Variants in SEC14L2 observed in about 807,000 individuals in gnomAD.
The protein encoded by SEC14L2 is SEC14-like protein 2.
In SEC14L2, 50 loss-of-function variants were observed where a neutral mutation model predicts 56.9. That is an observed-to-expected ratio of 0.88 (90% confidence interval 0.70 to 1.11). The LOEUF is 1.11. SEC14L2 is among the 50% of genes most tolerant of loss of function. The pLI, the probability that SEC14L2 is intolerant of heterozygous loss-of-function variation, is 0.00. For synonymous variants in SEC14L2, 179 were observed against 188.5 expected (o/e 0.95, Z 0.41); for missense variants, 414 against 500.7 (o/e 0.83, Z 1.65).
intron 5 of SEC14L2, 127 bp downstream of exon 5, chr22:30,407,730 T>TTA: frequency 1.2e-6 from 1 of 812,400 alleles, no homozygotes; most frequent in African/African-American, 1.8e-5. Context: ...TTTTTTTTTT[T>TTA]AATTTTTAAA....
rs1379401953 is a variant in SEC14L2 at position 30,424,764 on chromosome 22, G to T, written c.*2357G>T. The T allele has an allele frequency of 2.2e-6, 1 of 456,456 alleles. No individual in the cohort carries two copies. Among genetic ancestry groups the T allele is most frequent in the Non-Finnish European group, 4.4e-6 (1 of 226,946 alleles). The allele number at this position is 456,456 out of a possible 1,614,324, so 28.3% of individuals were successfully genotyped here. ...TCTCCAACGCCGCTCAATTATACCCGCCAAGGAGTCACAGAGACTTAGTGA... is the reference window on the plus strand; with the variant it reads ...TCTCCAACGCCGCTCAATTATACCCTCCAAGGAGTCACAGAGACTTAGTGA... On this transcript the variant is annotated 3_prime_UTR_variant, in exon 12 of 12. Transcript: ENST00000615189.
At chr22:30,407,300 G>T in intron 4 of SEC14L2, 115 bp from the exon 5 acceptor site, 6 of 1,443,566 alleles carry the variant, frequency 4.2e-6, no homozygotes, top group South Asian at 2.5e-5. Context: ...GGCATCTGTT[G>T]GTACCCAGGA....
At chr22:30,407,892 T>TA (rs1241669198) in intron 5 of SEC14L2, among the ~76,000 whole-genome samples, 1 of 152,146 alleles carries the variant, frequency 6.6e-6, no homozygotes, top group Admixed American at 6.5e-5. Context: ...TGGGATTTCC[T>TA]AGACCAGTGA....
At chr22:30,397,604 G>A in intron 1 of SEC14L2, 1 of 304,714 alleles carries the variant, frequency 3.3e-6, no homozygotes, top group South Asian at 2.7e-5. Context: ...AGCTCCTTGG[G>A]AGACTTGGAT....
chr22:30,416,241 T>C lies in SEC14L2; in HGVS notation c.919T>C (p.Phe307Leu). 6.2e-7 allele frequency: 1 copy of C among 1,613,960 alleles called. No individual in the cohort carries two copies. Among genetic ancestry groups the C allele is most frequent in the Non-Finnish European group, 8.5e-7 (1 of 1,179,904 alleles). The change falls in exon 11 of 12, where the codon TTT becomes CTT. Residue 307 changes from phenylalanine (F) to leucine (L), a missense_variant. Physicochemically the swap from Phe to Leu is conservative, Grantham distance 22. Transcript: ENST00000615189. ...TGGTGATATCCCCTGCAGGTGGCAG[T>C]TTATGTCAGATGGAGCGGATGTTGG... ...LFPGCVLRWQFMSDGADVGFG... is the reference protein window; with the variant it reads ...LFPGCVLRWQLMSDGADVGFG...
At chr22:30,420,152 C>T (rs1934479468) in intron 11 of SEC14L2, among the ~76,000 whole-genome samples, 1 of 151,986 alleles carries the variant, frequency 6.6e-6, no homozygotes, top group Non-Finnish European at 1.5e-5. Context: ...GGGGTTTCTC[C>T]GTGTTCGTTA....
At chr22:30,406,692 C>T (rs952216454) in intron 3 of SEC14L2, among the ~76,000 whole-genome samples, 1 of 152,168 alleles carries the variant, frequency 6.6e-6, no homozygotes, top group Non-Finnish European at 1.5e-5. Flanking sequence ...TTCACGCTGT[C>T]GCTTATTGCT....
chr22:30,404,313 A>T lies in SEC14L2; in HGVS notation c.131-2029A>T, dbSNP rs545833450. Among the ~76,000 whole-genome samples, 7 of 152,328 alleles carry T rather than the reference A, an allele frequency of 4.6e-5. No individual in the cohort carries two copies. In the South Asian group the frequency reaches 1.2e-3, roughly 27 times the overall value. On this transcript the variant is annotated intron_variant, in intron 2 of 11. Transcript: ENST00000615189. Reference sequence around the variant, plus strand: ...AAAAAGGGTGGGATTCAGTTCTGCCAGGACGTGTCCGGCACCTGTGATGGG... The same window carrying T: ...AAAAAGGGTGGGATTCAGTTCTGCCTGGACGTGTCCGGCACCTGTGATGGG...
intron 11 of SEC14L2, among the ~76,000 whole-genome samples, chr22:30,419,288 A>G (rs1198694932): frequency 6.6e-6 from 1 of 152,196 alleles, no homozygotes; most frequent in Non-Finnish European, 1.5e-5. Context: ...GTGGTGGCTC[A>G]TGCCTGTAAT....
Position 30,422,289 on chromosome 22 carries a change from T to A in SEC14L2, c.1094T>A (p.Phe365Tyr). Residue 365 changes from phenylalanine to tyrosine, a missense_variant, in exon 12 of 12, where the codon TTT becomes TAT. By Grantham distance (22) the Phe-to-Tyr change is conservative. Coordinates refer to ENST00000615189, the MANE Select transcript of SEC14L2 (RefSeq NM_012429.5). ...CSDPGIYVLR[F>Y]DNTYSFIHAK... The stretch of plus-strand genomic sequence containing the variant: ...TGCCTTCCCTCAGATGTCCTGCGGT[T>A]TGACAACACCTACAGCTTCATTCAT... 2 of 1,614,188 alleles carry A rather than the reference T, an allele frequency of 1.2e-6. No homozygotes were observed. Among genetic ancestry groups the A allele is most frequent in the Non-Finnish European group, 1.7e-6 (2 of 1,180,014 alleles).
rs1234012641 is a variant in SEC14L2 at position 30,425,240 on chromosome 22, G to T, written c.*2833G>T. Reference sequence around the variant, plus strand: ...GGGAGGGTTTCAGGTGTAAGACATGGAGAGTCCTTTAGCGAACATGTAGAC... The same window carrying T: ...GGGAGGGTTTCAGGTGTAAGACATGTAGAGTCCTTTAGCGAACATGTAGAC... On this transcript the variant is annotated 3_prime_UTR_variant, in exon 12 of 12. Transcript: ENST00000615189. The T allele has an allele frequency of 5.3e-6, 1 of 190,356 alleles. No homozygotes were observed. The highest frequency in any genetic ancestry group is 1.5e-4 in the East Asian group (1 of 6,776). 11.8% of individuals were successfully genotyped at this position (190,356 alleles called of 1,614,324 possible). A position where few individuals can be genotyped will look rare whatever the true frequency, so the allele number is the denominator to read the frequency against.
At position 30,399,782 on chromosome 22, in the gene SEC14L2, C is replaced by T. The variant is rs1449264505; in HGVS notation, c.130+64C>T. 5 of 1,430,474 alleles carry T rather than the reference C, an allele frequency of 3.5e-6. No homozygotes were observed. The African/African-American group carries it at 7.1e-5, about 20-fold the overall frequency. The allele number at this position is 1,430,474 out of a possible 1,614,324, so 88.6% of individuals were successfully genotyped here. ...TTGTTCTGGGCAACAGAATAGCACC[C>T]TCTGAAAACCCTGCCCTTGGCAATT... On this transcript the variant is annotated intron_variant, in intron 2 of 11. Transcript: ENST00000615189.
At chr22:30,414,415 AG>A (rs1934332960) in intron 8 of SEC14L2, among the ~76,000 whole-genome samples, 2 of 152,078 alleles carry the variant, frequency 1.3e-5, no homozygotes, top group South Asian at 4.1e-4. Context: ...TTTTCAACAG[AG>A]GGGGGAGATT....
chr22:30,416,497 G>A lies in SEC14L2; in HGVS notation c.1081+94G>A, dbSNP rs184597160. ...CCTCCATGGATTTTTGGCTCTGAGTGTTAGAACTAGAAGTGGAATGCCATC... is the reference window on the plus strand; with the variant it reads ...CCTCCATGGATTTTTGGCTCTGAGTATTAGAACTAGAAGTGGAATGCCATC... On this transcript the variant is annotated intron_variant, in intron 11 of 11. Transcript: ENST00000615189. 3 of 1,600,620 alleles carry A rather than the reference G, an allele frequency of 1.9e-6. No homozygotes were observed. The African/African-American group carries it at 4.0e-5, about 21-fold the overall frequency.
rs1810958405 is a variant in SEC14L2 at position 30,424,552 on chromosome 22, C to G, written c.*2145C>G. On this transcript the variant is annotated 3_prime_UTR_variant, in exon 12 of 12. Coordinates refer to ENST00000615189, the MANE Select transcript of SEC14L2 (RefSeq NM_012429.5). ...CCGGGTATCACGCAAAAACCCTGTGCTTACTATTACACTTTGGGTTGTTGC... is the reference window on the plus strand; with the variant it reads ...CCGGGTATCACGCAAAAACCCTGTGGTTACTATTACACTTTGGGTTGTTGC... 2.8e-6 allele frequency: 1 copy of G among 357,520 alleles called. No individual in the cohort carries two copies. The highest frequency in any genetic ancestry group is 5.5e-6 in the Non-Finnish European group (1 of 181,262). The allele number at this position is 357,520 out of a possible 1,614,324, so 22.1% of individuals were successfully genotyped here.
chr22:30,406,690 G>A (rs1366304592), intron 3 of SEC14L2, among the ~76,000 whole-genome samples: 1 of 152,198 alleles, frequency 6.6e-6, no homozygotes, highest in Admixed American at 6.5e-5. Flanking sequence ...CATTCACGCT[G>A]TCGCTTATTG....
rs1488715593 is a variant in SEC14L2, at chr22:30,397,144, C to G, written c.28C>G (p.Pro10Ala). Residue 10 changes from proline to alanine, a missense_variant, in exon 1 of 12, where the codon CCC becomes GCC. Coordinates refer to ENST00000615189, the MANE Select transcript of SEC14L2 (RefSeq NM_012429.5). MSGRVGDLS[P>A]RQKEALAKFR... ...GAGCGGCAGAGTCGGCGATCTGAGCCCCAGGCAGAAGGAGGCATTGGCCAA... is the reference window on the plus strand; with the variant it reads ...GAGCGGCAGAGTCGGCGATCTGAGCGCCAGGCAGAAGGAGGCATTGGCCAA... The G allele has an allele frequency of 1.6e-5, 24 of 1,547,642 alleles. No homozygotes were observed. The East Asian group carries it at 5.9e-4, about 38-fold the overall frequency.
chr22:30,401,698 T>A (rs1397265244), intron 2 of SEC14L2, among the ~76,000 whole-genome samples: 1 of 138,894 alleles, frequency 7.2e-6, no homozygotes, highest in Non-Finnish European at 1.6e-5. Context: ...TTTTTTTGTA[T>A]CTTTAGTAGA....
chr22:30,419,422 G>A lies in SEC14L2; in HGVS notation c.1082-2855G>A, dbSNP rs533247259. 3.5e-4 allele frequency among the ~76,000 whole-genome samples: 53 copies of A among 152,278 alleles called. No individual in the cohort carries two copies. The South Asian group carries it at 8.3e-3, about 24-fold the overall frequency. On this transcript the variant is annotated intron_variant, in intron 11 of 11. Coordinates refer to ENST00000615189, the MANE Select transcript of SEC14L2 (RefSeq NM_012429.5). ...ACAAAAATAAGCTGAGTGTGGTGGCGCATGCTGGTAATCCCAGCTACTTGG... is the reference window on the plus strand; with the variant it reads ...ACAAAAATAAGCTGAGTGTGGTGGCACATGCTGGTAATCCCAGCTACTTGG...
Sources: allele counts gnomAD v4.1 joint callset (sites outside exome capture counted in the v4.1 genomes callset), GRCh38; gene constraint gnomAD v4.1.1; transcripts MANE v1.5; gene names NCBI Gene and HGNC (gene_info 2026-07-23, HGNC 2026-07-21).